Variants in HSPA4L observed in about 807,000 individuals in gnomAD.
HSPA4L encodes heat shock 70 kDa protein 4L.
A neutral mutation model predicts 100.3 loss-of-function variants in HSPA4L; 48 were observed. That is an observed-to-expected ratio of 0.48 (90% CI 0.38 to 0.61). The LOEUF (loss-of-function observed/expected upper bound fraction) is 0.61, where lower values mean the gene tolerates loss of function less well. Among genes scored for constraint, HSPA4L ranks in the 20% least tolerant of loss-of-function variants. The probability of loss-of-function intolerance (pLI) is 0.00; values close to 1 mark genes in which losing one functional copy is unlikely to be tolerated. For missense variants in HSPA4L, 886 were observed against 988.6 expected, an observed-to-expected ratio of 0.90 and a Z score of 1.39; for synonymous variants, 319 against 328.2, an observed-to-expected ratio of 0.97 and a Z score of 0.30.
intron 3 of HSPA4L, among the ~76,000 whole-genome samples, chr4:127,796,901 C>G (rs1248922284): frequency 6.6e-6 from 1 of 152,118 alleles, no homozygotes; most frequent in Admixed American, 6.6e-5. Flanking sequence ...CAGTGCACAG[C>G]TTTGTGAATA....
intron 14 of HSPA4L, among the ~76,000 whole-genome samples, chr4:127,821,132 C>T (rs1033125941): frequency 2.0e-5 from 3 of 152,096 alleles, no homozygotes; most frequent in Non-Finnish European, 4.4e-5. Context: ...ACAAGCTCAG[C>T]TGGCATTAAA....
intron 18 of HSPA4L, among the ~76,000 whole-genome samples, chr4:127,831,147 T>C (rs767938894): frequency 2.0e-5 from 3 of 152,134 alleles, no homozygotes; most frequent in Non-Finnish European, 2.9e-5. Context: ...TTGAAGCGTA[T>C]AAACTTCCAT....
At chr4:127,828,521 A>C (rs1734004079) in intron 17 of HSPA4L, among the ~76,000 whole-genome samples, 3 of 152,208 alleles carry the variant, frequency 2.0e-5, no homozygotes, top group South Asian at 2.1e-4. Context: ...TTCAAACCTA[A>C]CCAGTCTGAC....
At position 127,832,778 on chromosome 4, in the gene HSPA4L, C is replaced by T. The variant is rs752382998; in HGVS notation, c.2424C>T (p.Gly808=). The change falls in exon 19 of 19, where the codon GGC becomes GGT. Residue 808 remains glycine (G), a synonymous_variant. Coordinates refer to ENST00000296464, the MANE Select transcript of HSPA4L (RefSeq NM_014278.4). ...CAAAAGCTAATAGTGAACACAATGG[C>T]CCAATGGATGGACAGAGTGGAACTG... is the stretch of plus-strand genomic sequence containing the variant. The part of the protein sequence containing the change: ...DKPKANSEHN[G]PMDGQSGTET... The T allele has an allele frequency of 6.2e-7, 1 of 1,613,474 alleles. No individual in the cohort carries two copies. The highest frequency in any genetic ancestry group is 8.5e-7 in the Non-Finnish European group (1 of 1,179,600).
At chr4:127,823,281 T>G (rs1347393424) in intron 15 of HSPA4L, among the ~76,000 whole-genome samples, 1 of 152,118 alleles carries the variant, frequency 6.6e-6, no homozygotes, top group African/African-American at 2.4e-5. Context: ...CATAAGTAGA[T>G]GGGAATACAG....
rs114797545 is a variant in HSPA4L, at chr4:127,798,858, T to G, written c.429+149T>G. On this transcript the variant is annotated intron_variant, in intron 4 of 18. Coordinates refer to ENST00000296464, the MANE Select transcript of HSPA4L (RefSeq NM_014278.4). ...GACTTTCTTTTTAAAAAAACTGCCT[T>G]ATTTGCTAAAGTTTAGGATTGAATT... 1,003 of 681,904 alleles carry G rather than the reference T, an allele frequency of 1.5e-3. 11 individuals are homozygous for G. In the African/African-American group the frequency reaches 0.017, roughly 11 times the overall value. The allele number at this position is 681,904 out of a possible 1,614,324, so 42.2% of individuals were successfully genotyped here. A position where few individuals can be genotyped will look rare whatever the true frequency, so the allele number is the denominator to read the frequency against.
At chr4:127,825,071 T>C (rs1258953058) in intron 16 of HSPA4L, among the ~76,000 whole-genome samples, 6 of 149,582 alleles carry the variant, frequency 4.0e-5, no homozygotes, top group African/African-American at 1.2e-4. Flanking sequence ...ACCCAGGAGG[T>C]GGAACTTGCA....
At chr4:127,804,674 TTATAAAC>T (rs1443641818) in intron 8 of HSPA4L, among the ~76,000 whole-genome samples, 10 of 151,006 alleles carry the variant, frequency 6.6e-5, no homozygotes, top group African/African-American at 1.9e-4. Context: ...TTGGAAGTGT[TTATAAAC>T]TATAGATGAT....
chr4:127,803,421 T>C (rs1395809492), intron 6 of HSPA4L, among the ~76,000 whole-genome samples: 1 of 152,164 alleles, frequency 6.6e-6, no homozygotes, highest in Non-Finnish European at 1.5e-5. Context: ...GATCTGTAAC[T>C]ATAAAGTAGA....
At chr4:127,819,566 A>G (rs548080079) in intron 13 of HSPA4L, among the ~76,000 whole-genome samples, 3 of 152,156 alleles carry the variant, frequency 2.0e-5, no homozygotes, top group Non-Finnish European at 2.9e-5. Flanking sequence ...CAGTTGTGCA[A>G]CCATCATCAC....
At position 127,782,439 on chromosome 4, in the gene HSPA4L, C is replaced by G; in HGVS notation, c.-112C>G. ...TTTTCTGCTTAGCGACTTGGGGTCC[C>G]CTCTCGTTTGCTTCTGGTAGGAGTC... On this transcript the variant is annotated 5_prime_UTR_variant, in exon 1 of 19. Coordinates refer to ENST00000296464, the MANE Select transcript of HSPA4L (RefSeq NM_014278.4). The G allele has an allele frequency of 4.8e-6, 4 of 834,944 alleles. No homozygotes were observed. The highest frequency in any genetic ancestry group is 8.0e-6 in the Non-Finnish European group (4 of 498,612). The allele number at this position is 834,944 out of a possible 1,614,324, so 51.7% of individuals were successfully genotyped here. A position where few individuals can be genotyped will look rare whatever the true frequency, so the allele number is the denominator to read the frequency against.
chr4:127,821,423 A>T (rs1320682927), intron 14 of HSPA4L, among the ~76,000 whole-genome samples: 3 of 152,112 alleles, frequency 2.0e-5, no homozygotes, highest in African/African-American at 7.2e-5. Flanking sequence ...TTATAAAGGG[A>T]TTCTTAACGT....
intron 3 of HSPA4L, among the ~76,000 whole-genome samples, chr4:127,797,109 G>C (rs1173346746): frequency 1.3e-5 from 2 of 152,096 alleles, no homozygotes; most frequent in Non-Finnish European, 2.9e-5. Flanking sequence ...AAATAGTTGA[G>C]GAAGACACCA....
In HSPA4L at chr4:127,840,518, G is replaced by A. The variant is rs1734341882; in HGVS notation, c.*7644G>A. ...TTTATGATCTTAAGTTGGTAACATAGGAATATGTATTTGTCAATTTTAGTT... is the reference window on the plus strand; with the variant it reads ...TTTATGATCTTAAGTTGGTAACATAAGAATATGTATTTGTCAATTTTAGTT... On this transcript the variant is annotated 3_prime_UTR_variant, in exon 19 of 19. Coordinates refer to ENST00000296464, the MANE Select transcript of HSPA4L (RefSeq NM_014278.4). 1 of 152,132 alleles carries A rather than the reference G, an allele frequency of 6.6e-6. No homozygotes were observed. Among genetic ancestry groups the A allele is most frequent in the Admixed American group, 6.5e-5 (1 of 15,282 alleles). The allele number at this position is 152,132 out of a possible 1,614,324, so 9.4% of individuals were successfully genotyped here.
At chr4:127,792,507 G>T (rs577936803) in intron 1 of HSPA4L, among the ~76,000 whole-genome samples, 1 of 152,268 alleles carries the variant, frequency 6.6e-6, no homozygotes, top group African/African-American at 2.4e-5. Context: ...ATATCTGCTA[G>T]CCACATGTGG....
chr4:127,805,702 C>G lies in HSPA4L; in HGVS notation c.1153C>G (p.Pro385Ala). ...GCALQCAILS[P>A]AFKVREFSIT... The stretch of plus-strand genomic sequence containing the variant: ...TTATTTTCAGTGTGCGATTCTCTCA[C>G]CAGCATTTAAAGTGCGTGAATTTTC... Residue 385 changes from proline (P) to alanine (A), a missense_variant, in exon 10 of 19, where the codon CCA (proline) becomes GCA (alanine). Physicochemically the swap from Pro to Ala is conservative, Grantham distance 27. Coordinates refer to ENST00000296464, the MANE Select transcript of HSPA4L (RefSeq NM_014278.4). 1 of 1,611,430 alleles carries G rather than the reference C, an allele frequency of 6.2e-7. No individual in the cohort carries two copies. The highest frequency in any genetic ancestry group is 1.1e-5 in the South Asian group (1 of 90,860).
Position 127,822,815 on chromosome 4 carries a change from C to T in HSPA4L, c.1859C>T (p.Ala620Val). 5 of 1,613,514 alleles carry T rather than the reference C, an allele frequency of 3.1e-6. No individual in the cohort carries two copies. Among genetic ancestry groups the T allele is most frequent in the Non-Finnish European group, 4.2e-6 (5 of 1,179,624 alleles). ...QDKLEKERND[A>V]KNAVEEYVYD... ...AAGTTAGAGAAAGAAAGAAATGATG[C>T]TAAGAATGCCGTTGAAGAATATGTA... is the stretch of plus-strand genomic sequence containing the variant. Residue 620 changes from alanine to valine, a missense_variant, in exon 15 of 19, where the codon GCT (alanine) becomes GTT (valine). Ala to Val is a moderately conservative substitution (Grantham distance 64). Coordinates refer to ENST00000296464, the MANE Select transcript of HSPA4L (RefSeq NM_014278.4).
intron 14 of HSPA4L, 82 bp downstream of exon 14, chr4:127,820,647 T>C: frequency 7.6e-7 from 1 of 1,318,506 alleles, no homozygotes; most frequent in Non-Finnish European, 1.1e-6. Context: ...CTCCAAAATT[T>C]AGGGCACTAG....
rs577595295 is a variant in HSPA4L at position 127,822,213 on chromosome 4, C to T, written c.1813-556C>T. 1.1e-4 allele frequency among the ~76,000 whole-genome samples: 17 copies of T among 152,250 alleles called. No individual in the cohort carries two copies. In the South Asian group the frequency reaches 2.3e-3, roughly 20 times the overall value. ...CCCAGTTCCCTACTTTCTGTCTTTG[C>T]GAACTGCCTAGTTATCAATAGATAA... On this transcript the variant is annotated intron_variant, in intron 14 of 18. Transcript: ENST00000296464.
Sources: gnomAD v4.1 joint callset for allele counts (sites outside exome capture counted in the v4.1 genomes callset) on GRCh38, gnomAD v4.1.1 for gene constraint, MANE v1.5 for transcripts, NCBI Gene and HGNC (gene_info 2026-07-23, HGNC 2026-07-21) for gene names.